Variants in FHIT observed in about 807,000 individuals in gnomAD.
The protein encoded by FHIT is fragile histidine triad diadenosine triphosphatase.
In FHIT, 19 loss-of-function variants were observed where a neutral mutation model predicts 17.9. The observed-to-expected ratio is 1.06, with a 90% CI of 0.74 to 1.56. The LOEUF is 1.56. Among genes scored for constraint, FHIT ranks in the 40% most tolerant of loss-of-function variants. FHIT has a pLI of 0.00. For synonymous variants in FHIT, 81 were observed against 69.7 expected (o/e 1.16, Z -0.81); for missense variants, 248 against 189.2 (o/e 1.31, Z -1.82).
intron 5 of FHIT, among the ~76,000 whole-genome samples, chr3:60,465,777 G>A (rs2032754349): frequency 6.6e-6 from 1 of 152,060 alleles, no homozygotes; most frequent in Non-Finnish European, 1.5e-5. Context: ...GTACCATGCT[G>A]TTTTGGTTAC....
intron 7 of FHIT, among the ~76,000 whole-genome samples, chr3:59,949,911 A>C (rs1349652599): frequency 7.2e-5 from 11 of 152,186 alleles, no homozygotes; most frequent in Admixed American, 7.2e-4. Flanking sequence ...AATCACAACA[A>C]CAATGCATAA....
intron 8 of FHIT, among the ~76,000 whole-genome samples, chr3:59,794,694 C>T (rs1337960108): frequency 6.6e-6 from 1 of 152,168 alleles, no homozygotes; most frequent in Non-Finnish European, 1.5e-5. Flanking sequence ...AAGCACTCTC[C>T]ATGCATTTTA....
intron 3 of FHIT, among the ~76,000 whole-genome samples, chr3:61,009,023 C>A (rs764063506): frequency 6.6e-6 from 1 of 152,142 alleles, no homozygotes; most frequent in Admixed American, 6.5e-5. Flanking sequence ...TATCCTGAAA[C>A]TCCCAAGAAA....
chr3:60,580,734 A>G (rs1366959076), intron 4 of FHIT, among the ~76,000 whole-genome samples: 1 of 152,058 alleles, frequency 6.6e-6, no homozygotes, highest in Non-Finnish European at 1.5e-5. Flanking sequence ...CTTCCTTACA[A>G]AAGTTTCTTC....
At chr3:61,128,038 T>C (rs1288797359) in intron 2 of FHIT, among the ~76,000 whole-genome samples, 3 of 152,234 alleles carry the variant, frequency 2.0e-5, no homozygotes, top group Non-Finnish European at 2.9e-5. Context: ...ATACACTAGA[T>C]TTCAAATTCT....
chr3:60,853,916 T>A (rs1205764596), intron 3 of FHIT, among the ~76,000 whole-genome samples: 4 of 152,130 alleles, frequency 2.6e-5, no homozygotes, highest in Non-Finnish European at 4.4e-5. Flanking sequence ...CCCTTTGGTG[T>A]CCTTAGTAAC....
At chr3:60,000,609 T>A (rs1407746416) in intron 7 of FHIT, among the ~76,000 whole-genome samples, 1 of 151,892 alleles carries the variant, frequency 6.6e-6, no homozygotes, top group Non-Finnish European at 1.5e-5. Flanking sequence ...GTAGGAAGAA[T>A]GCTAGAGGGA....
intron 5 of FHIT, among the ~76,000 whole-genome samples, chr3:60,197,022 C>A (rs149516371): frequency 6.6e-6 from 1 of 152,234 alleles, no homozygotes; most frequent in East Asian, 1.9e-4. Flanking sequence ...TACATATATA[C>A]GTAGACAGAT....
intron 7 of FHIT, among the ~76,000 whole-genome samples, chr3:59,923,315 G>A (rs1003879485): frequency 6.6e-6 from 1 of 151,534 alleles, no homozygotes; most frequent in South Asian, 2.1e-4. Flanking sequence ...TGTTCGGTGA[G>A]GACAGGGCGC....
At chr3:60,434,325 G>A (rs1436387415) in intron 5 of FHIT, among the ~76,000 whole-genome samples, 4 of 152,028 alleles carry the variant, frequency 2.6e-5, no homozygotes, top group Non-Finnish European at 5.9e-5. Context: ...TATGTGAATA[G>A]TCACTTTTAA....
intron 5 of FHIT, among the ~76,000 whole-genome samples, chr3:60,217,162 TACA>T (rs1703733469): frequency 6.6e-6 from 1 of 152,184 alleles, no homozygotes; most frequent in African/African-American, 2.4e-5. Context: ...TCTGAAAGAA[TACA>T]CAATTACAAG....
chr3:60,052,515 C>A (rs983087806), intron 5 of FHIT, among the ~76,000 whole-genome samples: 1 of 152,016 alleles, frequency 6.6e-6, no homozygotes, highest in African/African-American at 2.4e-5. Context: ...GTAGGCAGCT[C>A]ATCTGAAAAC....
intron 8 of FHIT, among the ~76,000 whole-genome samples, chr3:59,839,712 C>T (rs1487936814): frequency 6.6e-6 from 1 of 152,088 alleles, no homozygotes; most frequent in Non-Finnish European, 1.5e-5. Context: ...CTCTCTCTAC[C>T]AAACACTGCT....
chr3:60,574,694 T>A (rs2037507773), intron 4 of FHIT, among the ~76,000 whole-genome samples: 1 of 152,114 alleles, frequency 6.6e-6, no homozygotes, highest in South Asian at 2.1e-4. Context: ...CTTGAGTGTG[T>A]CCCTGTACCC....
At chr3:59,781,868 G>A (rs1259576114) in intron 8 of FHIT, among the ~76,000 whole-genome samples, 1 of 152,184 alleles carries the variant, frequency 6.6e-6, no homozygotes. Flanking sequence ...TGCTTCTAAA[G>A]TTATGATAGC....
chr3:60,323,436 T>A (rs1203861457), intron 5 of FHIT, among the ~76,000 whole-genome samples: 6 of 152,182 alleles, frequency 3.9e-5, no homozygotes, highest in African/African-American at 1.4e-4. Context: ...GTTAGAGAGA[T>A]CTCAGTGAGC....
At position 60,427,664 on chromosome 3, in the gene FHIT, C is replaced by T. The variant is rs17063086; in HGVS notation, c.103+109196G>A. Among the ~76,000 whole-genome samples, 1,415 of 152,190 alleles carry T rather than the reference C, an allele frequency of 9.3e-3. 15 individuals carry two copies. The highest frequency in any genetic ancestry group is 0.037 in the East Asian group (189 of 5,170). ...GAATTTCTTCTTTCTCAACACTCTC[C>T]AAAGTGATTATGCCTAATTGAGTTA... On this transcript the variant is annotated intron_variant, in intron 5 of 9. Coordinates refer to ENST00000492590, the MANE Select transcript of FHIT (RefSeq NM_002012.4).
chr3:60,492,573 C>G (rs182407061), intron 5 of FHIT, among the ~76,000 whole-genome samples: 21 of 143,560 alleles, frequency 1.5e-4, no homozygotes, highest in African/African-American at 4.9e-4. Flanking sequence ...ATGGTGTGAT[C>G]TCGGCTCACT....
At chr3:60,122,734 T>C (rs558722053) in intron 5 of FHIT, among the ~76,000 whole-genome samples, 1 of 152,122 alleles carries the variant, frequency 6.6e-6, no homozygotes, top group Admixed American at 6.5e-5. Context: ...CAGTGAAGTC[T>C]AGAAAAAGAT....
Sources: gnomAD v4.1 joint callset for allele counts (sites outside exome capture counted in the v4.1 genomes callset) on GRCh38, gnomAD v4.1.1 for gene constraint, MANE v1.5 for transcripts, NCBI Gene and HGNC (gene_info 2026-07-23, HGNC 2026-07-21) for gene names.